The following PIK3R3 variants were observed in gnomAD, a reference collection of about 807,000 sequenced individuals.
PIK3R3 encodes phosphoinositide-3-kinase regulatory subunit 3.
In PIK3R3, 64 loss-of-function variants were observed where a neutral mutation model predicts 62.9. That is an observed-to-expected ratio of 1.02 (90% CI 0.83 to 1.25). PIK3R3 has a LOEUF of 1.25. Among genes scored for constraint, PIK3R3 ranks in the 50% most tolerant of loss-of-function variants. PIK3R3 has a pLI of 0.00. For missense variants in PIK3R3, 614 were observed against 561.6 expected (o/e 1.09, Z -0.94); for synonymous variants, 165 against 189.0 (o/e 0.87, Z 1.04).
At chr1:46,152,872 C>A in the PIK3R3 span, among the ~76,000 whole-genome samples, 13 of 152,338 alleles carry the variant, frequency 8.5e-5, no homozygotes, top group Non-Finnish European at 1.0e-4. Flanking sequence ...TGATTAACAT[C>A]TTTAGCAAAC....
At chr1:46,059,197 C>T (rs1216029787) in intron 6 of PIK3R3, among the ~76,000 whole-genome samples, 1 of 152,254 alleles carries the variant, frequency 6.6e-6, no homozygotes, top group African/African-American at 2.4e-5. Flanking sequence ...GATTGTGAGG[C>T]TTCCCTAGTC....
intron 5 of PIK3R3, among the ~76,000 whole-genome samples, chr1:46,065,621 A>T (rs1648914916): frequency 1.3e-5 from 2 of 152,226 alleles, no homozygotes; most frequent in African/African-American, 4.8e-5. Context: ...GTTGTCTTAA[A>T]GATAGAGAAC....
chr1:46,156,195 G>GT, the PIK3R3 span, among the ~76,000 whole-genome samples: 3 of 152,036 alleles, frequency 2.0e-5, no homozygotes, highest in African/African-American at 7.3e-5. Flanking sequence ...AACATAGACA[G>GT]TGAATAATAG....
chr1:46,094,610 AACTTC>A (rs1352199624), intron 1 of PIK3R3, among the ~76,000 whole-genome samples: 1 of 152,212 alleles, frequency 6.6e-6, no homozygotes, highest in Non-Finnish European at 1.5e-5. Flanking sequence ...TCCAAATCCA[AACTTC>A]ACTGACTATT....
chr1:46,159,595 C>T, the PIK3R3 span, among the ~76,000 whole-genome samples: 1 of 152,100 alleles, frequency 6.6e-6, no homozygotes, highest in Non-Finnish European at 1.5e-5. Flanking sequence ...TACAGAAAAT[C>T]CCCAGGACAA....
At chr1:46,098,383 A>G (rs1652343221) in intron 1 of PIK3R3, among the ~76,000 whole-genome samples, 1 of 152,254 alleles carries the variant, frequency 6.6e-6, no homozygotes, top group Admixed American at 6.5e-5. Context: ...CTAAGTTCAC[A>G]TGAAAACTTG....
chr1:46,104,925 CAAA>C (rs757829828), intron 1 of PIK3R3: 10,367 of 190,808 alleles, frequency 0.054, no homozygotes, highest in South Asian at 0.07. Flanking sequence ...AAGACTCCAT[CAAA>C]AAAAAAAAAA....
chr1:46,173,032 A>T, the PIK3R3 span, among the ~76,000 whole-genome samples: 27,780 of 152,060 alleles, frequency 0.18, 2,965 homozygotes, highest in Middle Eastern at 0.25. Flanking sequence ...ACAAACAAAG[A>T]AAAAGGAGAT....
At chr1:46,073,667 C>G (rs1395746320) in intron 3 of PIK3R3, among the ~76,000 whole-genome samples, 3 of 151,846 alleles carry the variant, frequency 2.0e-5, no homozygotes, top group Admixed American at 6.6e-5. Context: ...TCACCCAGGC[C>G]GGAGTGCAGT....
At chr1:46,141,252 C>T in the PIK3R3 span, among the ~76,000 whole-genome samples, 1 of 151,922 alleles carries the variant, frequency 6.6e-6, no homozygotes, top group Admixed American at 6.6e-5. Flanking sequence ...TTTTTTCAAG[C>T]ACATTTTATT....
At chr1:46,162,847 T>C in the PIK3R3 span, among the ~76,000 whole-genome samples, 4 of 152,326 alleles carry the variant, frequency 2.6e-5, no homozygotes, top group African/African-American at 4.8e-5. Context: ...GGTCTCAAAC[T>C]CTTGACCTCA....
intron 5 of PIK3R3, among the ~76,000 whole-genome samples, chr1:46,064,350 G>C (rs1648800286): frequency 6.6e-6 from 1 of 152,094 alleles, no homozygotes; most frequent in African/African-American, 2.4e-5. Flanking sequence ...ATACCAGCCT[G>C]GCCAACATGA....
At chr1:46,143,435 G>A in the PIK3R3 span, among the ~76,000 whole-genome samples, 4 of 85,074 alleles carry the variant, frequency 4.7e-5, no homozygotes, top group Non-Finnish European at 6.8e-5. Context: ...TATCCATTAG[G>A]TTTGAGTGTT....
At chr1:46,059,086 A>T (rs1648224704) in intron 6 of PIK3R3, among the ~76,000 whole-genome samples, 1 of 152,088 alleles carries the variant, frequency 6.6e-6, no homozygotes, top group Non-Finnish European at 1.5e-5. Flanking sequence ...ACGAGATCTG[A>T]TGGTTTTATC....
chr1:46,147,145 C>T, the PIK3R3 span, among the ~76,000 whole-genome samples: 4 of 152,166 alleles, frequency 2.6e-5, no homozygotes, highest in African/African-American at 9.7e-5. Flanking sequence ...CACGCTCTGT[C>T]GCCCAGACTT....
chr1:46,127,063 G>A (rs888409292), intron 1 of PIK3R3, among the ~76,000 whole-genome samples: 8 of 151,618 alleles, frequency 5.3e-5, no homozygotes, highest in East Asian at 3.9e-4. Flanking sequence ...GGCTGGGCAC[G>A]GTGGCTCATG....
intron 1 of PIK3R3, among the ~76,000 whole-genome samples, chr1:46,096,781 C>T (rs1652168295): frequency 6.7e-6 from 1 of 149,460 alleles, no homozygotes; most frequent in African/African-American, 2.5e-5. Context: ...GTGGAGGTTG[C>T]AGTGAGCACA....
intron 1 of PIK3R3, among the ~76,000 whole-genome samples, chr1:46,125,416 T>C (rs1655009508): frequency 1.3e-5 from 2 of 152,088 alleles, no homozygotes; most frequent in South Asian, 4.1e-4. Context: ...TTATATAAGA[T>C]GAATCCAAAT....
chr1:46,158,141 C>G, the PIK3R3 span, among the ~76,000 whole-genome samples: 1 of 152,202 alleles, frequency 6.6e-6, no homozygotes, highest in Non-Finnish European at 1.5e-5. Flanking sequence ...CCCATTCCTG[C>G]TGATCTAAGC....
Sources: gnomAD v4.1 joint callset for allele counts (sites outside exome capture counted in the v4.1 genomes callset) on GRCh38, gnomAD v4.1.1 for gene constraint, MANE v1.5 for transcripts, NCBI Gene and HGNC (gene_info 2026-07-23, HGNC 2026-07-21) for gene names.